Variants in TRAPPC12 observed in about 807,000 individuals in gnomAD.
TRAPPC12 encodes trafficking protein particle complex subunit 12.
Under a neutral mutation model 69.2 loss-of-function variants are expected in TRAPPC12, and 61 were observed. The observed-to-expected ratio is 0.88, with a 90% CI of 0.72 to 1.09. TRAPPC12 has a LOEUF of 1.09. Among genes scored for constraint, TRAPPC12 ranks in the 50% least tolerant of loss-of-function variants. The probability of loss-of-function intolerance (pLI) is 0.00; values close to 1 mark genes in which losing one functional copy is unlikely to be tolerated. For missense variants in TRAPPC12, 1,101 were observed against 1,016.4 expected, an observed-to-expected ratio of 1.08 and a Z score of -1.13; for synonymous variants, 469 against 438.9, an observed-to-expected ratio of 1.07 and a Z score of -0.86.
chr2:3,389,377 G>T (rs746544233), intron 2 of TRAPPC12, among the ~76,000 whole-genome samples: 3 of 152,172 alleles, frequency 2.0e-5, no homozygotes, highest in Admixed American at 6.5e-5. Flanking sequence ...TGAGTGTAGG[G>T]GTCCGGGGGC....
chr2:3,387,491 C>T (rs1453651547), intron 1 of TRAPPC12, 129 bp from the exon 2 acceptor site: 1 of 792,514 alleles, frequency 1.3e-6, no homozygotes, highest in Non-Finnish European at 2.0e-6. Flanking sequence ...TTACCATAAT[C>T]AAAAGCACAT....
intron 2 of TRAPPC12, among the ~76,000 whole-genome samples, chr2:3,390,739 G>A (rs1660774114): frequency 6.6e-6 from 1 of 152,168 alleles, no homozygotes; most frequent in Non-Finnish European, 1.5e-5. Context: ...TGTAGACTTT[G>A]GGTGACAATG....
intron 3 of TRAPPC12, among the ~76,000 whole-genome samples, chr2:3,412,042 A>G (rs1446498823): frequency 6.6e-6 from 1 of 152,174 alleles, no homozygotes; most frequent in African/African-American, 2.4e-5. Flanking sequence ...TTTGATTACT[A>G]GTGTGGTTAA....
intron 4 of TRAPPC12, among the ~76,000 whole-genome samples, chr2:3,422,970 G>T (rs1662896849): frequency 6.6e-6 from 1 of 152,224 alleles, no homozygotes; most frequent in Admixed American, 6.5e-5. Flanking sequence ...CCGGCGCAGT[G>T]GCGCATTGAC....
intron 3 of TRAPPC12, among the ~76,000 whole-genome samples, chr2:3,410,913 C>T (rs760127201): frequency 1.3e-5 from 2 of 152,160 alleles, no homozygotes; most frequent in Non-Finnish European, 2.9e-5. Context: ...GCCTGTAGTC[C>T]CAGCTACTCG....
intron 1 of TRAPPC12, among the ~76,000 whole-genome samples, chr2:3,381,789 T>C (rs1295968621): frequency 6.6e-6 from 1 of 152,244 alleles, no homozygotes; most frequent in Non-Finnish European, 1.5e-5. Flanking sequence ...AGTCAAGCTC[T>C]CCTGCCATCA....
At chr2:3,383,989 G>A (rs773682569) in intron 1 of TRAPPC12, among the ~76,000 whole-genome samples, 5 of 143,406 alleles carry the variant, frequency 3.5e-5, no homozygotes, top group Non-Finnish European at 6.0e-5. Context: ...TCCGCCTCCT[G>A]GGTTCAAGTG....
intron 1 of TRAPPC12, among the ~76,000 whole-genome samples, chr2:3,384,603 C>G (rs540216977): frequency 5.3e-5 from 8 of 152,228 alleles, no homozygotes; most frequent in African/African-American, 1.4e-4. Context: ...CGCATTAAAC[C>G]AACAGTACAT....
chr2:3,446,098 A>G (rs1664490690), intron 6 of TRAPPC12, among the ~76,000 whole-genome samples: 1 of 152,246 alleles, frequency 6.6e-6, no homozygotes, highest in Non-Finnish European at 1.5e-5. Context: ...CGTCAGTGAG[A>G]GAGCCACTCA....
intron 6 of TRAPPC12, chr2:3,456,210 A>G (rs1558397693): frequency 1.3e-5 from 2 of 152,148 alleles, no homozygotes; most frequent in Non-Finnish European, 1.5e-5. Context: ...GTTGGCAGCA[A>G]ATTGTTCTCC....
chr2:3,383,477 C>T (rs1660321896), intron 1 of TRAPPC12, among the ~76,000 whole-genome samples: 1 of 145,606 alleles, frequency 6.9e-6, no homozygotes, highest in Non-Finnish European at 1.5e-5. Context: ...TGGCTCACTA[C>T]AACCTCTGCC....
intron 8 of TRAPPC12, among the ~76,000 whole-genome samples, chr2:3,463,856 C>G (rs1341575001): frequency 6.6e-6 from 1 of 152,062 alleles, no homozygotes; most frequent in Non-Finnish European, 1.5e-5. Context: ...CAGACATTGC[C>G]CAGCATGATG....
At chr2:3,385,541 C>T (rs1660451054) in intron 1 of TRAPPC12, among the ~76,000 whole-genome samples, 1 of 152,106 alleles carries the variant, frequency 6.6e-6, no homozygotes, top group Non-Finnish European at 1.5e-5. Context: ...ACAGATTTCC[C>T]TAAATCTTAC....
At chr2:3,432,185 G>C (rs951151493) in intron 5 of TRAPPC12, among the ~76,000 whole-genome samples, 5 of 152,208 alleles carry the variant, frequency 3.3e-5, no homozygotes, top group Non-Finnish European at 7.3e-5. Flanking sequence ...ACTAAATTCA[G>C]ATCTGCATGT....
intron 7 of TRAPPC12, among the ~76,000 whole-genome samples, chr2:3,459,709 G>A (rs541918912): frequency 5.3e-5 from 8 of 152,338 alleles, no homozygotes; most frequent in East Asian, 1.9e-4. Flanking sequence ...AGTCCCCAGC[G>A]GAATGTGCCA....
Position 3,478,843 on chromosome 2 carries a change from C to T in TRAPPC12, c.1878-3C>T, listed in dbSNP as rs199816114. On this transcript the variant is annotated splice_polypyrimidine_tract_variant and splice_region_variant and intron_variant, in intron 10 of 11. Coordinates refer to ENST00000324266, the MANE Select transcript of TRAPPC12 (RefSeq NM_016030.6). Reference sequence around the variant, plus strand: ...CTAACTGCCACCGTTGCTTGTGTTACAGCGCGTTCCTTCACCTCGGGCAGA... The same window carrying T: ...CTAACTGCCACCGTTGCTTGTGTTATAGCGCGTTCCTTCACCTCGGGCAGA... 2 of 1,613,990 alleles carry T rather than the reference C, an allele frequency of 1.2e-6. No individual in the cohort carries two copies. Among genetic ancestry groups the T allele is most frequent in the Non-Finnish European group, 1.7e-6 (2 of 1,179,950 alleles).
intron 6 of TRAPPC12, among the ~76,000 whole-genome samples, chr2:3,453,442 C>T (rs935834533): frequency 6.6e-6 from 1 of 152,214 alleles, no homozygotes; most frequent in African/African-American, 2.4e-5. Context: ...TGTGGCTGGT[C>T]GCTTACTGCT....
chr2:3,416,515 T>TGCTGGG (rs1662407410), intron 3 of TRAPPC12, among the ~76,000 whole-genome samples: 1 of 11,758 alleles, frequency 8.5e-5, no homozygotes, highest in African/African-American at 3.8e-4. Context: ...CACTGTGCCC[T>TGCTGGG]CCCCCTGCCC....
intron 5 of TRAPPC12, among the ~76,000 whole-genome samples, chr2:3,440,079 C>A (rs980471327): frequency 2.0e-5 from 3 of 152,156 alleles, no homozygotes; most frequent in African/African-American, 7.2e-5. Flanking sequence ...CACACAGTCA[C>A]CCAGTCTTTT....
Sources: allele counts gnomAD v4.1 joint callset (sites outside exome capture counted in the v4.1 genomes callset), GRCh38; gene constraint gnomAD v4.1.1; transcripts MANE v1.5; gene names NCBI Gene and HGNC (gene_info 2026-07-23, HGNC 2026-07-21).